SPSB1: variants seen among roughly 807,000 people sequenced by gnomAD.
SPSB1 encodes splA/ryanodine receptor domain and SOCS box containing 1.
SPSB1 carries 8 observed loss-of-function variants against 21.2 expected under a neutral mutation model. That is an observed-to-expected ratio of 0.38 (90% CI 0.22 to 0.68). The LOEUF is 0.68. Among genes scored for constraint, SPSB1 ranks in the 30% least tolerant of loss-of-function variants. The probability of loss-of-function intolerance (pLI) is 0.53; values close to 1 mark genes in which losing one functional copy is unlikely to be tolerated. For synonymous variants in SPSB1, 169 were observed against 161.7 expected (o/e 1.05, Z -0.34); for missense variants, 242 against 377.8 (o/e 0.64, Z 2.98).
chr1:9,324,976 G>A lies in SPSB1; in HGVS notation c.-149-30767G>A, dbSNP rs114267463. On this transcript the variant is annotated intron_variant, in intron 1 of 2. Coordinates refer to ENST00000328089, the MANE Select transcript of SPSB1 (RefSeq NM_025106.4). The surrounding 1 kb of genome is among the most constrained non-coding windows in gnomAD (Gnocchi z 4.3). Reference sequence around the variant, plus strand: ...TGGTGGATCGGAGGCGCCTGTGAGCGGGTCAGTACTGGGTAGGCAGCCCCA... The same window carrying A: ...TGGTGGATCGGAGGCGCCTGTGAGCAGGTCAGTACTGGGTAGGCAGCCCCA... 0.012 allele frequency among the ~76,000 whole-genome samples: 1,877 copies of A among 152,308 alleles called. 45 individuals carry two copies. Among genetic ancestry groups the A allele is most frequent in the African/African-American group, 0.043 (1,769 of 41,566 alleles).
chr1:9,296,290 T>C (rs1006025330), intron 1 of SPSB1, among the ~76,000 whole-genome samples: 12 of 152,166 alleles, frequency 7.9e-5, no homozygotes, highest in African/African-American at 2.4e-4. Context: ...CTGCTGAGGA[T>C]TGCAGGTAAC....
At chr1:9,310,852 A>G (rs630075) in intron 1 of SPSB1, among the ~76,000 whole-genome samples, 89,229 of 152,008 alleles carry the variant, frequency 0.59, 27,232 homozygotes, top group Middle Eastern at 0.71. Flanking sequence ...CCTTGCATTT[A>G]TGAAGCTTGG....
At chr1:9,338,435 G>A (rs1483815737) in intron 1 of SPSB1, among the ~76,000 whole-genome samples, 1 of 152,248 alleles carries the variant, frequency 6.6e-6, no homozygotes, top group East Asian at 1.9e-4. Context: ...GACAGCACTT[G>A]TGGGGGTCAG....
chr1:9,360,950 A>G (rs1292316146), intron 2 of SPSB1, among the ~76,000 whole-genome samples: 1 of 152,076 alleles, frequency 6.6e-6, no homozygotes, highest in African/African-American at 2.4e-5. Context: ...CCGGAGCTCC[A>G]TCCTCTCACG....
intron 1 of SPSB1, among the ~76,000 whole-genome samples, chr1:9,313,277 A>C (rs1216561075): frequency 6.6e-6 from 1 of 152,066 alleles, no homozygotes. Context: ...CCGGGCACCT[A>C]TAATCCCAGC....
rs1040103461 is a variant in SPSB1 at position 9,346,259 on chromosome 1, G to T, written c.-149-9484G>T. Among the ~76,000 whole-genome samples, 1 of 152,238 alleles carries T rather than the reference G, an allele frequency of 6.6e-6. No individual in the cohort carries two copies. The highest frequency in any genetic ancestry group is 6.5e-5 in the Admixed American group (1 of 15,286). On this transcript the variant is annotated intron_variant, in intron 1 of 2. Coordinates refer to ENST00000328089, the MANE Select transcript of SPSB1 (RefSeq NM_025106.4). The surrounding 1 kb of genome is among the most constrained non-coding windows in gnomAD (Gnocchi z 4.4). ...GGAGGCTTTATAAATAGGTCACCTT[G>T]TTCCACATCCTGAATTTCATTCTTT...
intron 1 of SPSB1, among the ~76,000 whole-genome samples, chr1:9,322,014 G>A (rs1481289545): frequency 6.6e-6 from 1 of 152,142 alleles, no homozygotes; most frequent in Non-Finnish European, 1.5e-5. Flanking sequence ...CCATCCCCAG[G>A]TGATGTGTAC....
At chr1:9,319,482 G>A (rs975592692) in intron 1 of SPSB1, among the ~76,000 whole-genome samples, 3 of 152,116 alleles carry the variant, frequency 2.0e-5, no homozygotes, top group African/African-American at 7.2e-5. Context: ...GAGAGGCTCC[G>A]AGGCCCTGCT....
chr1:9,318,137 G>T (rs1179304559), intron 1 of SPSB1, among the ~76,000 whole-genome samples: 2 of 152,254 alleles, frequency 1.3e-5, no homozygotes, highest in Admixed American at 1.3e-4. Context: ...GGCCCAGTGA[G>T]GGTGGGGCCC....
intron 1 of SPSB1, among the ~76,000 whole-genome samples, chr1:9,309,301 A>AGTGTGTGT (rs35952855): frequency 6.7e-4 from 89 of 133,226 alleles, no homozygotes; most frequent in African/African-American, 2.3e-3. Context: ...AGAGAGAGAG[A>AGTGTGTGT]GTGTGTGTGT....
chr1:9,317,500 T>C lies in SPSB1; in HGVS notation c.-150+24429T>C, dbSNP rs1183749807. On this transcript the variant is annotated intron_variant, in intron 1 of 2. Coordinates refer to ENST00000328089, the MANE Select transcript of SPSB1 (RefSeq NM_025106.4). The surrounding 1 kb of genome is among the most constrained non-coding windows in gnomAD (Gnocchi z 4.3). ...CAGACAGGTTTTTTGTCGTTTGTTT[T>C]TGAGACAGAGTCTTGCTTTGTCACC... Among the ~76,000 whole-genome samples the C allele has an allele frequency of 6.6e-6, 1 of 152,164 alleles. No individual in the cohort carries two copies. Among genetic ancestry groups the C allele is most frequent in the Non-Finnish European group, 1.5e-5 (1 of 68,042 alleles).
chr1:9,302,188 A>T lies in SPSB1; in HGVS notation c.-150+9117A>T, dbSNP rs538582307. ...ATTAAGTATGGTTTAAGAAGATGCC[A>T]GTGGGTGCCTATGGGTGCCAGTTGG... is the stretch of plus-strand genomic sequence containing the variant. On this transcript the variant is annotated intron_variant, in intron 1 of 2. Coordinates refer to ENST00000328089, the MANE Select transcript of SPSB1 (RefSeq NM_025106.4). Among the ~76,000 whole-genome samples the T allele has an allele frequency of 2.6e-5, 4 of 152,352 alleles. No homozygotes were observed. The South Asian group carries it at 8.3e-4, about 32-fold the overall frequency.
At position 9,356,034 on chromosome 1, in the gene SPSB1, A is replaced by G. The variant is rs755420089; in HGVS notation, c.143A>G (p.Tyr48Cys). Residue 48 changes from tyrosine to cysteine, a missense_variant, in exon 2 of 3, where the codon TAT (tyrosine) becomes TGT (cysteine). Physicochemically the swap from Tyr to Cys is radical, Grantham distance 194 (BLOSUM62 -2). Coordinates refer to ENST00000328089, the MANE Select transcript of SPSB1 (RefSeq NM_025106.4). The surrounding 1 kb of genome is among the most constrained non-coding windows in gnomAD (Gnocchi z 7.4). Reference sequence around the variant, plus strand: ...CTACTGGACATGCCCCCTGTGTCCTATGATGTCCAGCTGCTGCATTCATGG... The same window carrying G: ...CTACTGGACATGCCCCCTGTGTCCTGTGATGTCCAGCTGCTGCATTCATGG... ...DLLLDMPPVS[Y>C]DVQLLHSWNN... The G allele has an allele frequency of 1.1e-5, 18 of 1,613,992 alleles. No homozygotes were observed. The highest frequency in any genetic ancestry group is 1.1e-5 in the South Asian group (1 of 91,076).
At chr1:9,309,299 A>AGTGTGTGTGT (rs773941473) in intron 1 of SPSB1, among the ~76,000 whole-genome samples, 2 of 108,040 alleles carry the variant, frequency 1.9e-5, no homozygotes, top group African/African-American at 8.7e-5. Flanking sequence ...AGAGAGAGAG[A>AGTGTGTGTGT]GAGTGTGTGT....
At chr1:9,331,542 GGCTGGTCTT>G (rs1432516265) in intron 1 of SPSB1, among the ~76,000 whole-genome samples, 3 of 152,062 alleles carry the variant, frequency 2.0e-5, no homozygotes, top group Non-Finnish European at 2.9e-5. Flanking sequence ...ATGTTGACCA[GGCTGGTCTT>G]GAACTCCTGA....
In SPSB1 at chr1:9,348,286, C is replaced by T. The variant is rs2100507949; in HGVS notation, c.-149-7457C>T. ...TCCCACAGCACTGTCTCGCTCCTGT[C>T]TCGGCGGTAGTGCTGTGTCTAGCAT... On this transcript the variant is annotated intron_variant, in intron 1 of 2. Transcript: ENST00000328089. This position sits in a 1 kb window ranked among gnomAD's most constrained non-coding sequence, Gnocchi z 4.8. 6.6e-6 allele frequency among the ~76,000 whole-genome samples: 1 copy of T among 152,196 alleles called. No homozygotes were observed. The highest frequency in any genetic ancestry group is 2.1e-4 in the South Asian group (1 of 4,812).
intron 1 of SPSB1, among the ~76,000 whole-genome samples, chr1:9,307,438 C>T (rs1639438670): frequency 6.6e-6 from 1 of 152,222 alleles, no homozygotes; most frequent in Admixed American, 6.5e-5. Flanking sequence ...AATCTGTATT[C>T]TGATTTGACG....
At position 9,293,929 on chromosome 1, in the gene SPSB1, T is replaced by A. The variant is rs1256768657; in HGVS notation, c.-150+858T>A. Among the ~76,000 whole-genome samples the A allele has an allele frequency of 6.6e-6, 1 of 152,100 alleles. No individual in the cohort carries two copies. Among genetic ancestry groups the A allele is most frequent in the African/African-American group, 2.4e-5 (1 of 41,404 alleles). On this transcript the variant is annotated intron_variant, in intron 1 of 2. Coordinates refer to ENST00000328089, the MANE Select transcript of SPSB1 (RefSeq NM_025106.4). This position sits in a 1 kb window ranked among gnomAD's most constrained non-coding sequence, Gnocchi z 5.1. ...GTGTCTGTGTGTTCATGTGGGTGTGTGTGTGAGTGTGTCTCTAAGTGCATC... is the reference window on the plus strand; with the variant it reads ...GTGTCTGTGTGTTCATGTGGGTGTGAGTGTGAGTGTGTCTCTAAGTGCATC...
chr1:9,349,830 TGTG>T (rs1640227739), intron 1 of SPSB1, among the ~76,000 whole-genome samples: 1 of 152,144 alleles, frequency 6.6e-6, no homozygotes, highest in Admixed American at 6.5e-5. Flanking sequence ...TGATCTTACT[TGTG>T]GGAAAATGTT....
Sources: gnomAD v4.1 joint callset for allele counts (sites outside exome capture counted in the v4.1 genomes callset) on GRCh38, gnomAD v4.1.1 for gene constraint, Gnocchi (gnomAD v3.1) non-coding constraint, MANE v1.5 for transcripts, NCBI Gene and HGNC (gene_info 2026-07-23, HGNC 2026-07-21) for gene names.